The following PPIE variants were observed in gnomAD, a reference collection of about 807,000 sequenced individuals.
The protein encoded by PPIE is peptidylprolyl isomerase E.
In PPIE, 20 loss-of-function variants were observed where a neutral mutation model predicts 38.4. The ratio of observed to expected loss-of-function variants is 0.52; its 90% CI spans 0.37 to 0.76. The LOEUF (loss-of-function observed/expected upper bound fraction) is 0.76. Among genes scored for constraint, PPIE ranks in the 30% least tolerant of loss-of-function variants. The pLI is 0.00. For synonymous variants in PPIE, 142 were observed against 135.7 expected, an observed-to-expected ratio of 1.05 and a Z score of -0.32; for missense variants, 322 against 385.8, an observed-to-expected ratio of 0.83 and a Z score of 1.39.
rs566618756 is a variant in PPIE at position 39,756,584 on chromosome 1, T to G, written c.*3229T>G. ...GAAGAAGGAATTATAGAACCAACTT[T>G]TTATTGTTGAAAATGGAGTCTTGTA... On this transcript the variant is annotated 3_prime_UTR_variant, in exon 10 of 10. Coordinates refer to ENST00000324379, the MANE Select transcript of PPIE (RefSeq NM_006112.4). The G allele has an allele frequency of 5.1e-6, 5 of 985,390 alleles. No homozygotes were observed. In the South Asian group the frequency reaches 2.3e-4, roughly 46 times the overall value. The allele number at this position is 985,390 out of a possible 1,614,324, so 61.0% of individuals were successfully genotyped here.
At chr1:39,752,796 G>T (rs1647873400) in intron 8 of PPIE, 114 bp from the exon 9 acceptor site, 4 of 1,285,784 alleles carry the variant, frequency 3.1e-6, no homozygotes, top group African/African-American at 1.5e-5. Context: ...CATGTGATCT[G>T]TGCATCCCCG....
chr1:39,746,668 A>AAG (rs1454683039), intron 7 of PPIE: 4 of 152,226 alleles, frequency 2.6e-5, no homozygotes, highest in Admixed American at 6.5e-5. Flanking sequence ...TGTCTCCAGG[A>AAG]TTACCTGCAC....
In PPIE at chr1:39,763,289, C is replaced by T. The variant is rs191043235; in HGVS notation, c.838-400C>T. 2.2e-3 allele frequency: 2,908 copies of T among 1,327,398 alleles called. 8 individuals carry two copies. Among genetic ancestry groups the T allele is most frequent in the Non-Finnish European group, 2.8e-3 (2,645 of 955,402 alleles). The allele number at this position is 1,327,398 out of a possible 1,614,324, so 82.2% of individuals were successfully genotyped here. ...AACCCATCCTCCAGCCCTGCAGGGC[C>T]GTCTCCCCCAAGAGGCTTGAATCCA... is the stretch of plus-strand genomic sequence containing the variant. On this transcript the variant is annotated intron_variant, in intron 9 of 9. Transcript: ENST00000356511.
chr1:39,741,884 T>TG lies in PPIE; in HGVS notation c.175-11_175-10insG, dbSNP rs779523945. ...CAAGCCTAAACTTGTACCTTTGTCT[T>TG]TCCTTGGCAGGATGCTGCAGCAGCT... On this transcript the variant is annotated splice_polypyrimidine_tract_variant and intron_variant, in intron 3 of 9. Coordinates refer to ENST00000324379, the MANE Select transcript of PPIE (RefSeq NM_006112.4). The TG allele has an allele frequency of 2.5e-6, 4 of 1,614,132 alleles. No homozygotes were observed. In the African/African-American group the frequency reaches 5.3e-5, roughly 22 times the overall value.
chr1:39,752,785 G>A (rs1647871126), intron 8 of PPIE, 125 bp from the exon 9 acceptor site: 7 of 1,130,934 alleles, frequency 6.2e-6, no homozygotes, highest in Non-Finnish European at 8.8e-6. Context: ...GGCCGCATTT[G>A]CATGTGATCT....
intron 2 of PPIE, among the ~76,000 whole-genome samples, chr1:39,740,925 G>C (rs1336682018): frequency 6.6e-6 from 1 of 152,034 alleles, no homozygotes; most frequent in Non-Finnish European, 1.5e-5. Context: ...TATTGTGCTT[G>C]GTCTTTCTAG....
Position 39,754,664 on chromosome 1 carries a change from C to T in PPIE, c.*1309C>T, listed in dbSNP as rs561839474. Among the ~76,000 whole-genome samples the T allele has an allele frequency of 6.6e-6, 1 of 152,208 alleles. No individual in the cohort carries two copies. Among genetic ancestry groups the T allele is most frequent in the South Asian group, 2.1e-4 (1 of 4,812 alleles). On this transcript the variant is annotated 3_prime_UTR_variant, in exon 10 of 10. Coordinates refer to ENST00000324379, the MANE Select transcript of PPIE (RefSeq NM_006112.4). ...ATCACTTGAGCCCAGGAGTTCAAGACCAGCCTGGGCAATGTAGAGACCCCC... is the reference window on the plus strand; with the variant it reads ...ATCACTTGAGCCCAGGAGTTCAAGATCAGCCTGGGCAATGTAGAGACCCCC...
At chr1:39,763,557 T>C in intron 9 of PPIE, 3 of 1,176,202 alleles carry the variant, frequency 2.6e-6, no homozygotes, top group South Asian at 3.4e-5. Flanking sequence ...AAACCCTTTC[T>C]CACCATATTC....
chr1:39,743,418 A>T, intron 5 of PPIE, 121 bp downstream of exon 5: 2 of 842,094 alleles, frequency 2.4e-6, no homozygotes, highest in South Asian at 3.1e-5. Context: ...ATAGGAGTAG[A>T]TGATGGTTCA....
chr1:39,749,248 G>C (rs926603549), intron 8 of PPIE, among the ~76,000 whole-genome samples, 160 bp downstream of exon 8: 5 of 152,124 alleles, frequency 3.3e-5, no homozygotes, highest in Non-Finnish European at 7.4e-5. Context: ...TGCTAGGGTG[G>C]AGTTGGCTTG....
intron 4 of PPIE, chr1:39,742,916 A>C (rs1335359949): frequency 1.3e-5 from 3 of 231,056 alleles, no homozygotes; most frequent in African/African-American, 6.8e-5. Context: ...TTCAAAGCTT[A>C]TCTTGACTTT....
chr1:39,761,819 C>T (rs759202348), intron 9 of PPIE, among the ~76,000 whole-genome samples: 4 of 152,228 alleles, frequency 2.6e-5, no homozygotes, highest in Non-Finnish European at 5.9e-5. Flanking sequence ...TCACAGGAGG[C>T]GTCACCTCCA....
At position 39,753,707 on chromosome 1, in the gene PPIE, C is replaced by T. The variant is rs1459385849; in HGVS notation, c.*352C>T. 3 of 1,058,850 alleles carry T rather than the reference C, an allele frequency of 2.8e-6. No homozygotes were observed. Among genetic ancestry groups the T allele is most frequent in the African/African-American group, 1.7e-5 (1 of 59,438 alleles). 65.6% of individuals were successfully genotyped at this position (1,058,850 alleles called of 1,614,324 possible). On this transcript the variant is annotated 3_prime_UTR_variant, in exon 10 of 10. Transcript: ENST00000324379. ...AATAAACCCTAGTTCTTATATTGCT[C>T]TTCCTGCTAGTTCTTGGGAGTTGTC... is the stretch of plus-strand genomic sequence containing the variant.
At position 39,756,682 on chromosome 1, in the gene PPIE, A is replaced by G. The variant is rs1380640448; in HGVS notation, c.*3327A>G. 3.4e-6 allele frequency: 3 copies of G among 886,906 alleles called. No homozygotes were observed. The highest frequency in any genetic ancestry group is 2.4e-4 in the East Asian group (2 of 8,342). 54.9% of individuals were successfully genotyped at this position (886,906 alleles called of 1,614,324 possible). On this transcript the variant is annotated 3_prime_UTR_variant, in exon 10 of 10. Transcript: ENST00000324379. ...ACATATATAGTACAGTGTGATCCCA[A>G]TTTTGTAAAAATATCTGTAATATGT...
At chr1:39,763,146 G>T in intron 9 of PPIE, 1 of 1,614,068 alleles carries the variant, frequency 6.2e-7, no homozygotes, top group African/African-American at 1.3e-5. Flanking sequence ...CCAGTGGGAA[G>T]GAGCACTCCC....
chr1:39,749,381 C>A (rs1412743017), intron 8 of PPIE, among the ~76,000 whole-genome samples: 2 of 152,052 alleles, frequency 1.3e-5, no homozygotes, highest in African/African-American at 4.8e-5. Context: ...CCTGCCCTCA[C>A]CATCAGATTT....
chr1:39,762,017 T>C (rs149644395), intron 9 of PPIE, among the ~76,000 whole-genome samples: 16 of 152,324 alleles, frequency 1.1e-4, no homozygotes, highest in Non-Finnish European at 7.4e-5. Flanking sequence ...CTCCCACACA[T>C]GCAGCCATGA....
In PPIE at chr1:39,746,686, T is replaced by C. The variant is rs569061266; in HGVS notation, c.508+1188T>C. On this transcript the variant is annotated intron_variant, in intron 7 of 9. Coordinates refer to ENST00000324379, the MANE Select transcript of PPIE (RefSeq NM_006112.4). ...CTCCAGGATTACCTGCACCCTTTCC[T>C]CTGAGCTTTTGGAGTGCAAATTGAG... 2.6e-5 allele frequency: 4 copies of C among 152,386 alleles called. No individual in the cohort carries two copies. In the East Asian group the frequency reaches 7.7e-4, roughly 29 times the overall value. The allele number at this position is 152,386 out of a possible 1,614,324, so 9.4% of individuals were successfully genotyped here.
chr1:39,760,655 C>A, downstream of PPIE: 1 of 1,497,040 alleles, frequency 6.7e-7, no homozygotes, highest in South Asian at 1.3e-5. Context: ...TCCACCTGCT[C>A]CCTGCCCTGG....
Sources: gnomAD v4.1 joint callset for allele counts (sites outside exome capture counted in the v4.1 genomes callset) on GRCh38, gnomAD v4.1.1 for gene constraint, MANE v1.5 for transcripts, NCBI Gene and HGNC (gene_info 2026-07-23, HGNC 2026-07-21) for gene names.